The following KHDRBS2 variants were observed in gnomAD, a reference collection of about 807,000 sequenced individuals.
The protein encoded by KHDRBS2 is KH RNA binding domain containing, signal transduction associated 2.
In KHDRBS2, 26 loss-of-function variants were observed where a neutral mutation model predicts 44.3. The observed-to-expected ratio is 0.59, with a 90% confidence interval of 0.43 to 0.81. KHDRBS2 has a LOEUF of 0.81. Ranked by LOEUF, KHDRBS2 falls within the 40% of genes least tolerant of loss-of-function variation. KHDRBS2 has a pLI of 0.00. For synonymous variants in KHDRBS2, 194 were observed against 151.1 expected, an observed-to-expected ratio of 1.28 and a Z score of -2.08; for missense variants, 476 against 433.1, an observed-to-expected ratio of 1.10 and a Z score of -0.88.
At chr6:61,938,347 G>C (rs953908982) in intron 4 of KHDRBS2, among the ~76,000 whole-genome samples, 9 of 152,218 alleles carry the variant, frequency 5.9e-5, no homozygotes, top group Non-Finnish European at 1.2e-4. Flanking sequence ...GAAAGCCATA[G>C]AGTTAGGAAG....
chr6:62,194,005 T>G (rs1428082736), intron 1 of KHDRBS2, among the ~76,000 whole-genome samples: 2 of 152,160 alleles, frequency 1.3e-5, no homozygotes, highest in Non-Finnish European at 2.9e-5. Context: ...TTTGCAAATA[T>G]TTGTTCCTAT....
chr6:61,588,173 C>G, the KHDRBS2 span, among the ~76,000 whole-genome samples: 1 of 152,042 alleles, frequency 6.6e-6, no homozygotes. Flanking sequence ...ATGGATTATC[C>G]TAATTATGAT....
the KHDRBS2 span, among the ~76,000 whole-genome samples, chr6:61,550,936 C>T: frequency 6.6e-6 from 1 of 151,742 alleles, no homozygotes; most frequent in Admixed American, 6.6e-5. Flanking sequence ...CCACGCCTGG[C>T]CAATTTTTGT....
At chr6:61,747,351 T>G (rs1354996044) in intron 6 of KHDRBS2, among the ~76,000 whole-genome samples, 1 of 152,208 alleles carries the variant, frequency 6.6e-6, no homozygotes, top group Non-Finnish European at 1.5e-5. Context: ...TGTTGGTTGT[T>G]CAAAAGGAAT....
At chr6:62,189,301 G>A (rs1001479232) in intron 1 of KHDRBS2, among the ~76,000 whole-genome samples, 2 of 151,974 alleles carry the variant, frequency 1.3e-5, no homozygotes, top group Non-Finnish European at 2.9e-5. Flanking sequence ...TCTCTCAACA[G>A]TAAGGCTTTC....
chr6:62,058,319 TC>T (rs1343163923), intron 2 of KHDRBS2, among the ~76,000 whole-genome samples: 1 of 151,908 alleles, frequency 6.6e-6, no homozygotes. Flanking sequence ...GGTCTTGAAT[TC>T]CATCATTCGT....
chr6:62,032,590 G>T (rs1162318427), intron 3 of KHDRBS2, among the ~76,000 whole-genome samples: 3 of 150,986 alleles, frequency 2.0e-5, no homozygotes, highest in Non-Finnish European at 2.9e-5. Context: ...TTCATCAAGA[G>T]AACCCTGACA....
intron 1 of KHDRBS2, among the ~76,000 whole-genome samples, chr6:62,226,928 A>G (rs901814142): frequency 1.3e-5 from 2 of 152,064 alleles, no homozygotes; most frequent in African/African-American, 2.4e-5. Context: ...TTACTGTACC[A>G]TTGTAGTATA....
chr6:62,140,548 G>A (rs943136047), intron 2 of KHDRBS2, among the ~76,000 whole-genome samples: 6 of 152,126 alleles, frequency 3.9e-5, no homozygotes, highest in Non-Finnish European at 7.4e-5. Context: ...CCATTAATGA[G>A]TCTCAAATAA....
At chr6:61,670,038 T>A in the KHDRBS2 span, among the ~76,000 whole-genome samples, 1 of 151,230 alleles carries the variant, frequency 6.6e-6, no homozygotes, top group African/African-American at 2.4e-5. Flanking sequence ...GACAAAGAAA[T>A]AGAAAAGAAC....
intron 4 of KHDRBS2, among the ~76,000 whole-genome samples, chr6:61,947,577 C>A (rs1813623249): frequency 6.6e-6 from 1 of 151,896 alleles, no homozygotes; most frequent in Admixed American, 6.6e-5. Context: ...GAATCCTTGA[C>A]AGAGGAATTG....
intron 1 of KHDRBS2, among the ~76,000 whole-genome samples, chr6:62,219,384 T>C (rs1255228960): frequency 2.6e-5 from 4 of 151,714 alleles, no homozygotes; most frequent in Non-Finnish European, 5.9e-5. Flanking sequence ...AAATAAATAA[T>C]AGCTTAGAGT....
intron 2 of KHDRBS2, among the ~76,000 whole-genome samples, chr6:62,048,516 C>T (rs1476319353): frequency 4.0e-5 from 6 of 151,770 alleles, no homozygotes; most frequent in African/African-American, 1.2e-4. Flanking sequence ...CTTTCTATTA[C>T]AACTTTCATA....
At chr6:62,183,443 A>G (rs1489301268) in intron 1 of KHDRBS2, among the ~76,000 whole-genome samples, 1 of 151,710 alleles carries the variant, frequency 6.6e-6, no homozygotes, top group Non-Finnish European at 1.5e-5. Flanking sequence ...ATCAAGTACC[A>G]ATTACATAGA....
In KHDRBS2 at chr6:61,851,394, A is replaced by G. The variant is rs112902052; in HGVS notation, c.810+43241T>C. Among the ~76,000 whole-genome samples the G allele has an allele frequency of 5.3e-5, 8 of 152,228 alleles. 1 individual carries two copies. The highest frequency in any genetic ancestry group is 3.3e-4 in the Admixed American group (5 of 15,258). ...TTGTTTGGGACTGAACTGTGTACCA[A>G]AAAATTCATATGTTGAATTCCTAAC... On this transcript the variant is annotated intron_variant, in intron 6 of 8. Transcript: ENST00000281156.
intron 6 of KHDRBS2, among the ~76,000 whole-genome samples, chr6:61,832,300 T>C (rs149239432): frequency 2.3e-4 from 35 of 152,272 alleles, no homozygotes; most frequent in Non-Finnish European, 3.7e-4. Flanking sequence ...ACAATAAATA[T>C]ATGTTTAAGG....
chr6:61,579,617 C>T, the KHDRBS2 span, among the ~76,000 whole-genome samples: 4 of 152,140 alleles, frequency 2.6e-5, no homozygotes, highest in East Asian at 5.8e-4. Flanking sequence ...GCAAAGTTGG[C>T]AGGGTAAAAA....
chr6:62,120,942 T>C (rs1474304439), intron 2 of KHDRBS2, among the ~76,000 whole-genome samples: 1 of 152,150 alleles, frequency 6.6e-6, no homozygotes, highest in East Asian at 1.9e-4. Context: ...GAAAGAGGAA[T>C]GTTCAGACTT....
intron 3 of KHDRBS2, among the ~76,000 whole-genome samples, chr6:62,011,386 A>G (rs1403883612): frequency 6.6e-6 from 1 of 152,204 alleles, no homozygotes; most frequent in African/African-American, 2.4e-5. Flanking sequence ...AAAGTAAACA[A>G]TGATGTAGAA....
Sources: gnomAD v4.1 joint callset for allele counts (sites outside exome capture counted in the v4.1 genomes callset) on GRCh38, gnomAD v4.1.1 for gene constraint, MANE v1.5 for transcripts, NCBI Gene and HGNC (gene_info 2026-07-23, HGNC 2026-07-21) for gene names.